Variants in PTPRT observed in about 807,000 individuals in gnomAD.
PTPRT encodes receptor-type tyrosine-protein phosphatase T.
Under a neutral mutation model 176.8 loss-of-function variants are expected in PTPRT, and 56 were observed. That is an observed-to-expected ratio of 0.32 (90% CI 0.26 to 0.40). The LOEUF (loss-of-function observed/expected upper bound fraction) is 0.40, where lower values mean the gene tolerates loss of function less well. Ranked by LOEUF, PTPRT falls within the 10% of genes least tolerant of loss-of-function variation. The probability of loss-of-function intolerance (pLI) is 1.00; values close to 1 mark genes in which losing one functional copy is unlikely to be tolerated. For missense variants in PTPRT, 1,540 were observed against 1,908.2 expected, an observed-to-expected ratio of 0.81 and a Z score of 3.60; for synonymous variants, 783 against 739.0, an observed-to-expected ratio of 1.06 and a Z score of -0.96.
At chr20:43,075,102 C>T (rs2011241406) in intron 1 of PTPRT, among the ~76,000 whole-genome samples, 1 of 152,184 alleles carries the variant, frequency 6.6e-6, no homozygotes, top group Admixed American at 6.5e-5. Context: ...TTTCTCCAGG[C>T]CATCGTCCTG....
intron 7 of PTPRT, among the ~76,000 whole-genome samples, chr20:42,542,351 T>C (rs1489475545): frequency 2.0e-5 from 3 of 152,026 alleles, no homozygotes; most frequent in Non-Finnish European, 4.4e-5. Flanking sequence ...ACCTTATTTA[T>C]TAATAAGCCA....
chr20:42,421,548 G>A (rs2059119108), intron 9 of PTPRT, among the ~76,000 whole-genome samples: 1 of 151,918 alleles, frequency 6.6e-6, no homozygotes, highest in Non-Finnish European at 1.5e-5. Context: ...GGCTGACAGG[G>A]TGTGTGTGTG....
chr20:42,763,132 G>A (rs866922975), intron 5 of PTPRT, among the ~76,000 whole-genome samples: 8 of 152,166 alleles, frequency 5.3e-5, no homozygotes, highest in African/African-American at 1.9e-4. Context: ...AGAGAGTGCT[G>A]TTTTCCTACC....
chr20:42,699,867 A>G (rs1229538221), intron 6 of PTPRT, among the ~76,000 whole-genome samples: 1 of 152,150 alleles, frequency 6.6e-6, no homozygotes, highest in Non-Finnish European at 1.5e-5. Flanking sequence ...AAAGCAATTG[A>G]CAAAAAAAGT....
At chr20:42,189,374 T>C (rs1175003774) in intron 16 of PTPRT, among the ~76,000 whole-genome samples, 1 of 152,174 alleles carries the variant, frequency 6.6e-6, no homozygotes, top group Non-Finnish European at 1.5e-5. Context: ...CTTTTCTCTA[T>C]CATTTATCAC....
chr20:42,253,311 G>A (rs771083558), intron 13 of PTPRT, among the ~76,000 whole-genome samples: 1 of 152,222 alleles, frequency 6.6e-6, no homozygotes, highest in Middle Eastern at 3.4e-3. Context: ...CCAGCAGTAG[G>A]TCCATATAGA....
chr20:42,817,111 G>C (rs1355189548), intron 2 of PTPRT, among the ~76,000 whole-genome samples: 1 of 152,188 alleles, frequency 6.6e-6, no homozygotes, highest in African/African-American at 2.4e-5. Context: ...TATAACAGAA[G>C]CTAGAAAGTG....
chr20:43,181,739 T>C (rs1376829761), intron 1 of PTPRT, among the ~76,000 whole-genome samples: 1 of 152,138 alleles, frequency 6.6e-6, no homozygotes, highest in Non-Finnish European at 1.5e-5. Flanking sequence ...ACCAAAAATA[T>C]GCACCCAGAT....
chr20:42,132,916 C>G (rs1258780108), intron 18 of PTPRT, among the ~76,000 whole-genome samples: 3 of 151,820 alleles, frequency 2.0e-5, no homozygotes, highest in African/African-American at 7.3e-5. Context: ...TTGGAGGCAA[C>G]CAATATGTCC....
intron 6 of PTPRT, chr20:42,687,791 C>T (rs1052596620): frequency 6.6e-6 from 1 of 152,134 alleles, no homozygotes; most frequent in Non-Finnish European, 1.5e-5. Context: ...CTTAAGAGTT[C>T]CAGAGACAAC....
chr20:42,225,649 C>A (rs1020628768), intron 15 of PTPRT, among the ~76,000 whole-genome samples: 2 of 152,036 alleles, frequency 1.3e-5, no homozygotes, highest in Non-Finnish European at 2.9e-5. Flanking sequence ...ATGAATGTGT[C>A]ATTTTTTATT....
At chr20:42,622,692 A>T (rs562091397) in intron 7 of PTPRT, among the ~76,000 whole-genome samples, 2 of 152,314 alleles carry the variant, frequency 1.3e-5, no homozygotes, top group Non-Finnish European at 2.9e-5. Flanking sequence ...AGATGTCGAA[A>T]TAAAAAACAA....
At chr20:42,116,758 T>C (rs1259486181) in intron 21 of PTPRT, among the ~76,000 whole-genome samples, 1 of 152,138 alleles carries the variant, frequency 6.6e-6, no homozygotes, top group African/African-American at 2.4e-5. Flanking sequence ...ATGATGGTTG[T>C]AGGTTTCGGT....
chr20:42,371,385 C>T (rs1333634282), intron 9 of PTPRT, among the ~76,000 whole-genome samples: 2 of 152,228 alleles, frequency 1.3e-5, no homozygotes, highest in Admixed American at 6.5e-5. Flanking sequence ...GCCAAAGCAC[C>T]ACTTACAGAG....
At chr20:43,070,471 T>C (rs560047572) in intron 1 of PTPRT, among the ~76,000 whole-genome samples, 2 of 152,206 alleles carry the variant, frequency 1.3e-5, no homozygotes, top group South Asian at 2.1e-4. Context: ...CATCCCATTA[T>C]TGAGTATATA....
chr20:42,384,889 G>A (rs1012809165), intron 9 of PTPRT, among the ~76,000 whole-genome samples: 1 of 152,078 alleles, frequency 6.6e-6, no homozygotes, highest in Non-Finnish European at 1.5e-5. Flanking sequence ...GAATGTCTTT[G>A]GAGAAATGTT....
intron 1 of PTPRT, among the ~76,000 whole-genome samples, chr20:42,926,613 G>A (rs914177318): frequency 3.3e-5 from 5 of 152,152 alleles, no homozygotes; most frequent in African/African-American, 1.2e-4. Flanking sequence ...AGAATGCATA[G>A]AGTGCATCAG....
chr20:42,280,274 T>G (rs1291641808), intron 13 of PTPRT, among the ~76,000 whole-genome samples: 1 of 152,124 alleles, frequency 6.6e-6, no homozygotes, highest in Non-Finnish European at 1.5e-5. Context: ...AAGTAGACAC[T>G]CATCAAACAC....
chr20:42,671,067 G>A (rs973179453), intron 7 of PTPRT, among the ~76,000 whole-genome samples: 10 of 152,110 alleles, frequency 6.6e-5, no homozygotes, highest in African/African-American at 2.4e-4. Flanking sequence ...GTACCTGCAG[G>A]AGAGGTACAG....
Sources: gnomAD v4.1 joint callset for allele counts (sites outside exome capture counted in the v4.1 genomes callset) on GRCh38, gnomAD v4.1.1 for gene constraint, MANE v1.5 for transcripts, NCBI Gene and HGNC (gene_info 2026-07-23, HGNC 2026-07-21) for gene names.